AGBL4: variants seen among roughly 807,000 people sequenced by gnomAD.
AGBL4 encodes cytosolic carboxypeptidase 6.
AGBL4 carries 58 observed loss-of-function variants against 66.4 expected under a neutral mutation model. That is an observed-to-expected ratio of 0.87 (90% CI 0.71 to 1.09). The LOEUF (loss-of-function observed/expected upper bound fraction) is 1.09, where lower values mean the gene tolerates loss of function less well. Ranked by LOEUF, AGBL4 falls within the 50% of genes least tolerant of loss-of-function variation. The pLI is 0.00. For synonymous variants in AGBL4, 234 were observed against 222.9 expected, an observed-to-expected ratio of 1.05 and a Z score of -0.44; for missense variants, 579 against 631.0, an observed-to-expected ratio of 0.92 and a Z score of 0.88.
At chr1:49,236,355 A>C (rs1650744307) in intron 4 of AGBL4, among the ~76,000 whole-genome samples, 1 of 152,044 alleles carries the variant, frequency 6.6e-6, no homozygotes, top group Non-Finnish European at 1.5e-5. Flanking sequence ...AGAGTTCTTC[A>C]TTTTGTAACA....
intron 4 of AGBL4, among the ~76,000 whole-genome samples, chr1:49,129,892 G>A (rs548452445): frequency 1.1e-4 from 16 of 152,304 alleles, no homozygotes; most frequent in African/African-American, 3.9e-4. Context: ...TCGCCACACT[G>A]ACCTCCACAA....
chr1:49,881,727 T>C (rs957546214), intron 1 of AGBL4, among the ~76,000 whole-genome samples: 1 of 151,346 alleles, frequency 6.6e-6, no homozygotes, highest in Non-Finnish European at 1.5e-5. Flanking sequence ...CACTTTTTGA[T>C]GGGGTTGTTT....
chr1:49,362,819 G>A (rs954604468), intron 3 of AGBL4, among the ~76,000 whole-genome samples: 8 of 152,094 alleles, frequency 5.3e-5, no homozygotes, highest in African/African-American at 1.9e-4. Flanking sequence ...ATTGCATATG[G>A]GCTCACCTTT....
At chr1:49,255,634 T>A (rs761667054) in intron 3 of AGBL4, among the ~76,000 whole-genome samples, 1 of 152,152 alleles carries the variant, frequency 6.6e-6, no homozygotes, top group Non-Finnish European at 1.5e-5. Flanking sequence ...GACAGAAATG[T>A]CATTTGATCC....
intron 1 of AGBL4, among the ~76,000 whole-genome samples, chr1:49,985,063 C>T (rs1350179039): frequency 1.3e-5 from 2 of 152,066 alleles, no homozygotes; most frequent in Non-Finnish European, 2.9e-5. Context: ...GTACTACATG[C>T]TTGGGAGAAA....
intron 1 of AGBL4, among the ~76,000 whole-genome samples, chr1:49,902,436 A>G (rs1557563226): frequency 6.6e-6 from 1 of 152,192 alleles, no homozygotes; most frequent in South Asian, 2.1e-4. Flanking sequence ...AAAATGCTCA[A>G]CATTACTAAT....
downstream of AGBL4, among the ~76,000 whole-genome samples, chr1:48,532,220 GC>G (rs1422675365): frequency 1.4e-4 from 22 of 152,056 alleles, no homozygotes; most frequent in African/African-American, 5.3e-4. Context: ...AAATATTTTT[GC>G]CTACATTTTC....
At chr1:49,756,551 A>G (rs953692418) in intron 2 of AGBL4, among the ~76,000 whole-genome samples, 1 of 152,216 alleles carries the variant, frequency 6.6e-6, no homozygotes, top group Non-Finnish European at 1.5e-5. Context: ...AGACTTATAC[A>G]GTTTGGCTAT....
intron 3 of AGBL4, among the ~76,000 whole-genome samples, chr1:49,642,219 G>A (rs183944865): frequency 3.3e-5 from 5 of 151,892 alleles, no homozygotes; most frequent in African/African-American, 1.2e-4. Flanking sequence ...CAATGGGCCT[G>A]GATTTTTACC....
At chr1:48,573,820 A>G (rs1644606944) in intron 11 of AGBL4, among the ~76,000 whole-genome samples, 1 of 152,226 alleles carries the variant, frequency 6.6e-6, no homozygotes, top group Admixed American at 6.5e-5. Flanking sequence ...TAATAAGAGC[A>G]TCGTTTATTG....
intron 11 of AGBL4, among the ~76,000 whole-genome samples, chr1:48,543,308 C>G (rs1383507611): frequency 6.6e-6 from 1 of 152,114 alleles, no homozygotes; most frequent in African/African-American, 2.4e-5. Context: ...CTCAGCTGGG[C>G]TATAAAGGCT....
At chr1:49,870,837 A>C (rs988978347) in intron 1 of AGBL4, among the ~76,000 whole-genome samples, 2 of 152,108 alleles carry the variant, frequency 1.3e-5, no homozygotes, top group Non-Finnish European at 2.9e-5. Context: ...AAACAAACAA[A>C]ATAACAGATG....
At chr1:49,831,000 G>A (rs998032949) in intron 2 of AGBL4, among the ~76,000 whole-genome samples, 6 of 152,098 alleles carry the variant, frequency 3.9e-5, no homozygotes, top group African/African-American at 9.7e-5. Flanking sequence ...ATGCTGTTTC[G>A]GTTATTGTAG....
intron 1 of AGBL4, among the ~76,000 whole-genome samples, chr1:49,910,058 C>T (rs1650666285): frequency 6.6e-6 from 1 of 152,094 alleles, no homozygotes. Flanking sequence ...GAGCCATCCA[C>T]ATTTAGATAA....
At chr1:48,788,404 C>T (rs528052547) in intron 6 of AGBL4, among the ~76,000 whole-genome samples, 3 of 152,318 alleles carry the variant, frequency 2.0e-5, no homozygotes, top group African/African-American at 7.2e-5. Flanking sequence ...ATGCCACCCA[C>T]CATCCCTTCC....
chr1:49,033,619 G>A lies in AGBL4; in HGVS notation c.594+11965C>T, dbSNP rs113421841. ...ATCAGTCCTCTCTCACCTCCTTTCCGACATCCTTGCTTTTCCACAAGAGTC... is the reference window on the plus strand; with the variant it reads ...ATCAGTCCTCTCTCACCTCCTTTCCAACATCCTTGCTTTTCCACAAGAGTC... On this transcript the variant is annotated intron_variant, in intron 5 of 13. Transcript: ENST00000371839. 2.1e-3 allele frequency among the ~76,000 whole-genome samples: 315 copies of A among 151,938 alleles called. 5 individuals carry two copies. The highest frequency in any genetic ancestry group is 7.0e-3 in the African/African-American group (290 of 41,438).
chr1:49,295,657 T>A lies in AGBL4; in HGVS notation c.283-49793A>T, dbSNP rs544242610. On this transcript the variant is annotated intron_variant, in intron 3 of 13. Transcript: ENST00000371839. ...TTCCTAATTTCAAGTGCAGTATTGC[T>A]TCTATTACCCCAGAAAACACTACCA... is the stretch of plus-strand genomic sequence containing the variant. Among the ~76,000 whole-genome samples the A allele has an allele frequency of 3.3e-5, 5 of 152,244 alleles. No individual in the cohort carries two copies. The South Asian group carries it at 1.0e-3, about 32-fold the overall frequency.
At chr1:49,351,821 G>C (rs185721265) in intron 3 of AGBL4, among the ~76,000 whole-genome samples, 1 of 152,214 alleles carries the variant, frequency 6.6e-6, no homozygotes, top group Non-Finnish European at 1.5e-5. Flanking sequence ...TCTTCTGCCT[G>C]AGCCTCAGTC....
chr1:49,628,250 C>G (rs1645502315), intron 3 of AGBL4, among the ~76,000 whole-genome samples: 1 of 152,150 alleles, frequency 6.6e-6, no homozygotes, highest in South Asian at 2.1e-4. Flanking sequence ...TTTCCCAAAA[C>G]TACACCTCCA....
Sources: allele counts gnomAD v4.1 joint callset (sites outside exome capture counted in the v4.1 genomes callset), GRCh38; gene constraint gnomAD v4.1.1; transcripts MANE v1.5; gene names NCBI Gene and HGNC (gene_info 2026-07-23, HGNC 2026-07-21).